KIF6: variants seen among roughly 807,000 people sequenced by gnomAD.
KIF6 encodes the protein kinesin-like protein KIF6.
In KIF6, 106 loss-of-function variants were observed where a neutral mutation model predicts 112.7. The observed-to-expected ratio is 0.94, with a 90% confidence interval of 0.80 to 1.11. The LOEUF (loss-of-function observed/expected upper bound fraction) is 1.11. Among genes scored for constraint, KIF6 ranks in the 50% least tolerant of loss-of-function variants. The pLI, the probability that KIF6 is intolerant of heterozygous loss-of-function variation, is 0.00. For synonymous variants in KIF6, 339 were observed against 339.9 expected (o/e 1.00, Z 0.03); for missense variants, 929 against 964.0 (o/e 0.96, Z 0.48).
chr6:39,707,387 C>G lies in KIF6; in HGVS notation c.251+7305G>C, dbSNP rs987441485. On this transcript the variant is annotated intron_variant, in intron 3 of 22. Coordinates refer to ENST00000287152, the MANE Select transcript of KIF6 (RefSeq NM_145027.6). ...AGTCCCCTGGCCCTCTTGCTAGAGA[C>G]AGTAGACTCTTCTTGAGGATTTTGT... is the stretch of plus-strand genomic sequence containing the variant. Among the ~76,000 whole-genome samples, 7 of 152,310 alleles carry G rather than the reference C, an allele frequency of 4.6e-5. No individual in the cohort carries two copies. In the South Asian group the frequency reaches 1.2e-3, roughly 27 times the overall value.
chr6:39,706,016 G>A (rs767844109), intron 3 of KIF6, among the ~76,000 whole-genome samples: 6 of 152,106 alleles, frequency 3.9e-5, no homozygotes, highest in South Asian at 2.1e-4. Context: ...CCACTGGTTC[G>A]TCTCTTTTAT....
intron 10 of KIF6, among the ~76,000 whole-genome samples, chr6:39,559,740 G>A (rs1183602267): frequency 1.3e-5 from 2 of 151,474 alleles, no homozygotes; most frequent in Admixed American, 1.3e-4. Context: ...GTTATATAAA[G>A]ATGAATAAAA....
chr6:39,381,698 A>G (rs1200179743), intron 16 of KIF6, among the ~76,000 whole-genome samples: 1 of 152,190 alleles, frequency 6.6e-6, no homozygotes, highest in Non-Finnish European at 1.5e-5. Context: ...ACAACCTCCT[A>G]AGGAGCTTGG....
At chr6:39,694,701 A>T (rs1788423313) in intron 3 of KIF6, among the ~76,000 whole-genome samples, 1 of 152,230 alleles carries the variant, frequency 6.6e-6, no homozygotes, top group Admixed American at 6.5e-5. Context: ...TTCTATGTTC[A>T]TGGATTGTAA....
At chr6:39,544,785 C>T (rs1342090303) in intron 11 of KIF6, 92 bp from the exon 12 acceptor site, 3 of 724,600 alleles carry the variant, frequency 4.1e-6, no homozygotes, top group Non-Finnish European at 6.7e-6. Context: ...TCCCTGCACA[C>T]ATCAGGCATG....
chr6:39,722,420 GT>G lies in KIF6; in HGVS notation c.67-1610del, dbSNP rs757156911. On this transcript the variant is annotated intron_variant, in intron 1 of 22. Transcript: ENST00000287152. ...TAAAAATATTATTTGAGATAGTGAA[GT>G]TTTTTTTTTAAGAAGACAGAACAAG... 2.0e-3 allele frequency among the ~76,000 whole-genome samples: 293 copies of G among 149,140 alleles called. 2 individuals are homozygous for G. Among genetic ancestry groups the G allele is most frequent in the Middle Eastern group, 6.9e-3 (2 of 288 alleles).
chr6:39,645,156 T>C lies in KIF6; in HGVS notation c.252-5399A>G, dbSNP rs1255849154. On this transcript the variant is annotated intron_variant, in intron 3 of 22. Coordinates refer to ENST00000287152, the MANE Select transcript of KIF6 (RefSeq NM_145027.6). ...GGAAATTTCCATTGTAGAAATTCTC[T>C]CCTTCCTTTTGCAAAATGCACTTTT... is the stretch of plus-strand genomic sequence containing the variant. 2.0e-5 allele frequency among the ~76,000 whole-genome samples: 3 copies of C among 152,142 alleles called. No individual in the cohort carries two copies. In the East Asian group the frequency reaches 5.8e-4, roughly 29 times the overall value.
chr6:39,624,561 C>T lies in KIF6; in HGVS notation c.509+10288G>A, dbSNP rs1184565140. ...AGAATAAATCAATTCATAATGCAAT[C>T]GTGGAGACTAACAGGACAATATGTC... On this transcript the variant is annotated intron_variant, in intron 5 of 22. Transcript: ENST00000287152. 3.3e-5 allele frequency among the ~76,000 whole-genome samples: 5 copies of T among 152,244 alleles called. No individual in the cohort carries two copies. In the South Asian group the frequency reaches 1.0e-3, roughly 32 times the overall value.
chr6:39,507,262 T>G (rs552637681), intron 13 of KIF6, among the ~76,000 whole-genome samples: 1 of 152,178 alleles, frequency 6.6e-6, no homozygotes, highest in Non-Finnish European at 1.5e-5. Flanking sequence ...AAATGTAGGA[T>G]GCTCAGATGG....
At chr6:39,355,530 C>T (rs1764597902) in intron 19 of KIF6, among the ~76,000 whole-genome samples, 1 of 139,192 alleles carries the variant, frequency 7.2e-6, no homozygotes, top group Non-Finnish European at 1.5e-5. Flanking sequence ...GTGGTGCGAT[C>T]TCGGCTCACT....
At chr6:39,710,772 G>T (rs2113866323) in intron 3 of KIF6, among the ~76,000 whole-genome samples, 1 of 152,240 alleles carries the variant, frequency 6.6e-6, no homozygotes, top group East Asian at 1.9e-4. Flanking sequence ...GAATAGATAT[G>T]TTAGAGGTAA....
intron 10 of KIF6, among the ~76,000 whole-genome samples, chr6:39,577,055 A>T (rs7769800): frequency 6.6e-6 from 1 of 152,086 alleles, no homozygotes; most frequent in Non-Finnish European, 1.5e-5. Context: ...CTTTTTTTAA[A>T]GTGAATTTTT....
chr6:39,682,507 G>T (rs1195492761), intron 3 of KIF6, among the ~76,000 whole-genome samples: 1 of 152,188 alleles, frequency 6.6e-6, no homozygotes, highest in Non-Finnish European at 1.5e-5. Context: ...TGATCTAAAC[G>T]TCCTTATGCA....
At chr6:39,676,006 T>C (rs1281962293) in intron 3 of KIF6, among the ~76,000 whole-genome samples, 3 of 151,458 alleles carry the variant, frequency 2.0e-5, no homozygotes, top group Admixed American at 6.6e-5. Context: ...GAAAAATGTA[T>C]GTTTAATATG....
intron 10 of KIF6, among the ~76,000 whole-genome samples, chr6:39,576,548 G>A (rs1167443644): frequency 6.6e-6 from 1 of 152,190 alleles, no homozygotes; most frequent in Non-Finnish European, 1.5e-5. Context: ...AAGCACTGGT[G>A]GAAGACTGAA....
At chr6:39,356,797 G>C (rs940295607) in intron 19 of KIF6, among the ~76,000 whole-genome samples, 3 of 152,114 alleles carry the variant, frequency 2.0e-5, no homozygotes, top group Admixed American at 2.0e-4. Flanking sequence ...GTCCCTGCTG[G>C]TCATCCCATC....
intron 3 of KIF6, among the ~76,000 whole-genome samples, chr6:39,679,107 G>A (rs546008463): frequency 1.3e-5 from 2 of 152,248 alleles, no homozygotes; most frequent in African/African-American, 2.4e-5. Flanking sequence ...AAACAGACTT[G>A]GCCCAAACAT....
At chr6:39,346,281 G>A in intron 20 of KIF6, 195 bp downstream of exon 20, 1 of 691,194 alleles carries the variant, frequency 1.4e-6, no homozygotes, top group Admixed American at 2.0e-5. Context: ...GAAAAGTCAT[G>A]TGTTGAACCT....
At chr6:39,710,129 T>C (rs1295662774) in intron 3 of KIF6, among the ~76,000 whole-genome samples, 1 of 152,192 alleles carries the variant, frequency 6.6e-6, no homozygotes, top group African/African-American at 2.4e-5. Flanking sequence ...GAAGAAAATG[T>C]GAATCTGCCC....
Sources: allele counts gnomAD v4.1 joint callset (sites outside exome capture counted in the v4.1 genomes callset), GRCh38; gene constraint gnomAD v4.1.1; transcripts MANE v1.5; gene names NCBI Gene and HGNC (gene_info 2026-07-23, HGNC 2026-07-21).